The following HDAC7 variants were observed in gnomAD, a reference collection of about 807,000 sequenced individuals.
The protein encoded by HDAC7 is histone deacetylase 7, also known as histone deacetylase 7A.
HDAC7 carries 26 observed loss-of-function variants against 115.5 expected under a neutral mutation model. The ratio of observed to expected loss-of-function variants is 0.23; its 90% CI spans 0.16 to 0.31. The LOEUF is 0.31. HDAC7 is among the 10% of genes least tolerant of loss of function. The pLI, the probability that HDAC7 is intolerant of heterozygous loss-of-function variation, is 1.00. For missense variants in HDAC7, 1,068 were observed against 1,329.0 expected (o/e 0.80, Z 3.05); for synonymous variants, 564 against 550.9 (o/e 1.02, Z -0.33).
rs560857046 is a variant in HDAC7 at position 47,795,107 on chromosome 12, A to G, written c.1284+77T>C. 1 of 1,370,348 alleles carries G rather than the reference A, an allele frequency of 7.3e-7. No homozygotes were observed. Among genetic ancestry groups the G allele is most frequent in the African/African-American group, 1.4e-5 (1 of 69,460 alleles). 84.9% of individuals were successfully genotyped at this position (1,370,348 alleles called of 1,614,324 possible). On this transcript the variant is annotated intron_variant, in intron 11 of 25. Transcript: ENST00000080059. The surrounding 1 kb of genome is among the most constrained non-coding windows in gnomAD (Gnocchi z 4.3). ...TGCCCTCCAGTTCCCTGCCCTTTCT[A>G]AGTACCCCTCTTCTTTTGGCCCCTA...
In HDAC7 at chr12:47,785,351, G is replaced by C. The variant is rs200429762; in HGVS notation, c.2791+36C>G. 63 of 1,557,038 alleles carry C rather than the reference G, an allele frequency of 4.0e-5. No individual in the cohort carries two copies. The African/African-American group carries it at 7.7e-4, about 19-fold the overall frequency. On this transcript the variant is annotated intron_variant, in intron 24 of 25. Coordinates refer to ENST00000080059, the MANE Select transcript of HDAC7 (RefSeq NM_015401.5). ...GGCAGGGTACCACCAAGATCCTTCA[G>C]TCTGAGCTCAGCGAGTGTCCCATCT...
chr12:47,805,260 T>C (rs112027509), intron 1 of HDAC7, among the ~76,000 whole-genome samples: 1 of 140,502 alleles, frequency 7.1e-6, no homozygotes, highest in Non-Finnish European at 1.6e-5. Context: ...TGTTTTGTTG[T>C]TTTTTTTTTT....
intron 2 of HDAC7, 189 bp from the exon 3 acceptor site, chr12:47,799,161 GAA>G: frequency 1.8e-6 from 1 of 554,768 alleles, no homozygotes; most frequent in Non-Finnish European, 3.2e-6. Context: ...TTACTCGTGA[GAA>G]AAAAGTCACA....
chr12:47,810,691 G>T (rs888451566), intron 1 of HDAC7, among the ~76,000 whole-genome samples: 5 of 152,210 alleles, frequency 3.3e-5, no homozygotes, highest in African/African-American at 1.2e-4. Flanking sequence ...AGGATCAAAC[G>T]CTGCGTGAGC....
At chr12:47,788,529 G>A (rs1187861464) in intron 19 of HDAC7, 1 of 162,004 alleles carries the variant, frequency 6.2e-6, no homozygotes, top group Non-Finnish European at 1.3e-5. Context: ...AAGTCATGAA[G>A]TTATGAGGAG....
intron 19 of HDAC7, 123 bp from the exon 20 acceptor site, chr12:47,788,287 G>A: frequency 7.7e-7 from 1 of 1,293,894 alleles, no homozygotes; most frequent in Non-Finnish European, 1.0e-6. Flanking sequence ...CAGGAACCTG[G>A]GGTTCCTAAA....
At position 47,793,329 on chromosome 12, in the gene HDAC7, G is replaced by A. The variant is rs1305860594; in HGVS notation, c.1678+40C>T. ...GACACCCACATGGACTCGTGCAGCC[G>A]AGCCCCTCCCTCCACCCGCCACCCT... On this transcript the variant is annotated intron_variant, in intron 13 of 25. Transcript: ENST00000080059. This position sits in a 1 kb window ranked among gnomAD's most constrained non-coding sequence, Gnocchi z 4.5. 22 of 1,330,294 alleles carry A rather than the reference G, an allele frequency of 1.7e-5. No homozygotes were observed. Among genetic ancestry groups the A allele is most frequent in the Middle Eastern group, 2.7e-4 (1 of 3,772 alleles). 82.4% of individuals were successfully genotyped at this position (1,330,294 alleles called of 1,614,324 possible).
chr12:47,814,504 T>G (rs1055980491), intron 1 of HDAC7, among the ~76,000 whole-genome samples: 38 of 152,272 alleles, frequency 2.5e-4, no homozygotes, highest in African/African-American at 7.7e-4. Context: ...TGCTGCCTCC[T>G]TCTCAACATT....
Position 47,795,042 on chromosome 12 carries a change from C to T in HDAC7, c.1285-109G>A, listed in dbSNP as rs1943732754. 7.5e-7 allele frequency: 1 copy of T among 1,333,890 alleles called. No homozygotes were observed. The highest frequency in any genetic ancestry group is 1.4e-5 in the South Asian group (1 of 73,906). The allele number at this position is 1,333,890 out of a possible 1,614,324, so 82.6% of individuals were successfully genotyped here. ...GTCATCTTGCTAGGACTCCAGCTGC[C>T]ATGCAGCTCTGGGCCCCAAGAAGCC... On this transcript the variant is annotated intron_variant, in intron 11 of 25. Coordinates refer to ENST00000080059, the MANE Select transcript of HDAC7 (RefSeq NM_015401.5). The surrounding 1 kb of genome is among the most constrained non-coding windows in gnomAD (Gnocchi z 4.3).
At chr12:47,819,703 C>A in intron 1 of HDAC7, 64 bp downstream of exon 1, 1 of 370,944 alleles carries the variant, frequency 2.7e-6, no homozygotes, top group African/African-American at 2.2e-5. Context: ...GGAGGCCGAG[C>A]CTGGGCGGGC....
In HDAC7 at chr12:47,795,539, G is replaced by A. The variant is rs1943768337; in HGVS notation, c.1087+48C>T. On this transcript the variant is annotated intron_variant, in intron 10 of 25. Coordinates refer to ENST00000080059, the MANE Select transcript of HDAC7 (RefSeq NM_015401.5). The surrounding 1 kb of genome is among the most constrained non-coding windows in gnomAD (Gnocchi z 4.3). ...GGGTCCATCCCAAGCTTGGCTCTTA[G>A]CAGGGTGCAGGGACCCAGCCCCTTC... The A allele has an allele frequency of 6.5e-7, 1 of 1,532,032 alleles. No homozygotes were observed. The highest frequency in any genetic ancestry group is 1.4e-5 in the African/African-American group (1 of 72,746). The allele number at this position is 1,532,032 out of a possible 1,614,324, so 94.9% of individuals were successfully genotyped here.
rs1264367505 is a variant in HDAC7 at position 47,793,046 on chromosome 12, C to T, written c.1678+323G>A. ...TCAAAATGTCTAAAATACTTCTGAG[C>T]TCTTTTTACAAGCAGAGCAACAGTA... is the stretch of plus-strand genomic sequence containing the variant. On this transcript the variant is annotated intron_variant, in intron 13 of 25. Coordinates refer to ENST00000080059, the MANE Select transcript of HDAC7 (RefSeq NM_015401.5). The surrounding 1 kb of genome is among the most constrained non-coding windows in gnomAD (Gnocchi z 4.5). 5 of 329,412 alleles carry T rather than the reference C, an allele frequency of 1.5e-5. No homozygotes were observed. Among genetic ancestry groups the T allele is most frequent in the Admixed American group, 4.5e-5 (1 of 22,036 alleles). 20.4% of individuals were successfully genotyped at this position (329,412 alleles called of 1,614,324 possible).
At chr12:47,790,800 T>A in intron 16 of HDAC7, 1 of 195,722 alleles carries the variant, frequency 5.1e-6, no homozygotes, top group Non-Finnish European at 1.1e-5. Context: ...TGTCCCGGAG[T>A]GGGGAGTGCT....
At chr12:47,814,990 C>A (rs901262334) in intron 1 of HDAC7, among the ~76,000 whole-genome samples, 6 of 152,330 alleles carry the variant, frequency 3.9e-5, no homozygotes, top group Admixed American at 2.6e-4. Context: ...GTCTTCTCCA[C>A]GAGAGTGGAA....
intron 2 of HDAC7, among the ~76,000 whole-genome samples, chr12:47,801,954 C>T (rs1944185908): frequency 1.3e-5 from 2 of 152,168 alleles, no homozygotes; most frequent in South Asian, 2.1e-4. Context: ...TCTTACTTTC[C>T]TTCCTGTTTC....
rs545442156 is a variant in HDAC7 at position 47,797,977 on chromosome 12, T to C, written c.461+131A>G. On this transcript the variant is annotated intron_variant, in intron 5 of 25. Coordinates refer to ENST00000080059, the MANE Select transcript of HDAC7 (RefSeq NM_015401.5). This position sits in a 1 kb window ranked among gnomAD's most constrained non-coding sequence, Gnocchi z 5.5. ...GAGAGAGGGGCTCGGGGGCATTATG[T>C]TTAGAGGAAGGGTAAGGACTGGTTG... 419 of 724,236 alleles carry C rather than the reference T, an allele frequency of 5.8e-4. 2 individuals are homozygous for C. Among genetic ancestry groups the C allele is most frequent in the Admixed American group, 9.5e-4 (51 of 53,768 alleles). 44.9% of individuals were successfully genotyped at this position (724,236 alleles called of 1,614,324 possible).
rs1425857947 is a variant in HDAC7 at position 47,788,161 on chromosome 12, C to G, written c.2239G>C (p.Val747Leu). Residue 747 changes from valine (V) to leucine (L), a missense_variant, in exon 20 of 26, where the codon GTG (valine) becomes CTG (leucine). Physicochemically the swap from Val to Leu is conservative, Grantham distance 32. Transcript: ENST00000080059. ...TGCTGGGTGCCGTTGCCATGGTGCA[C>G]GTCCTGTGTAGGGAGACGGGCAGCG... ...ASKILIVDWD[V>L]HHGNGTQQTF... The G allele has an allele frequency of 1.2e-6, 2 of 1,608,018 alleles. No individual in the cohort carries two copies. Among genetic ancestry groups the G allele is most frequent in the East Asian group, 4.5e-5 (2 of 44,836 alleles).
chr12:47,819,667 C>T (rs1944964248), intron 1 of HDAC7, 100 bp downstream of exon 1: 2 of 192,642 alleles, frequency 1.0e-5, no homozygotes, highest in Non-Finnish European at 1.9e-5. Flanking sequence ...CGAGCCGGAG[C>T]CGGAGCCGGA....
At chr12:47,816,691 T>C (rs1944858369) in intron 1 of HDAC7, among the ~76,000 whole-genome samples, 1 of 152,128 alleles carries the variant, frequency 6.6e-6, no homozygotes, top group Non-Finnish European at 1.5e-5. Context: ...CCCTCCCACC[T>C]CTGCCACCCC....
Sources: gnomAD v4.1 joint callset for allele counts (sites outside exome capture counted in the v4.1 genomes callset) on GRCh38, gnomAD v4.1.1 for gene constraint, Gnocchi (gnomAD v3.1) non-coding constraint, MANE v1.5 for transcripts, NCBI Gene and HGNC (gene_info 2026-07-23, HGNC 2026-07-21) for gene names.